Variants in CNTNAP2 observed in about 807,000 individuals in gnomAD.
CNTNAP2 encodes contactin associated protein 2.
CNTNAP2 carries 98 observed loss-of-function variants against 155.2 expected under a neutral mutation model. The ratio of observed to expected loss-of-function variants is 0.63; its 90% confidence interval spans 0.54 to 0.75. CNTNAP2 has a LOEUF of 0.75. Ranked by LOEUF, CNTNAP2 falls within the 30% of genes least tolerant of loss-of-function variation. CNTNAP2 has a pLI of 0.00. For missense variants in CNTNAP2, 1,727 were observed against 1,688.1 expected (o/e 1.02, Z -0.40); for synonymous variants, 651 against 631.2 (o/e 1.03, Z -0.47).
intron 13 of CNTNAP2, among the ~76,000 whole-genome samples, chr7:147,722,713 T>C (rs1325494349): frequency 6.6e-6 from 1 of 152,098 alleles, no homozygotes; most frequent in Admixed American, 6.6e-5. Flanking sequence ...ATGTTATTGC[T>C]TAAACCTTTA....
intron 2 of CNTNAP2, among the ~76,000 whole-genome samples, chr7:146,812,200 T>C (rs1367975902): frequency 6.6e-6 from 1 of 152,036 alleles, no homozygotes; most frequent in Non-Finnish European, 1.5e-5. Context: ...TCCTAGAGGC[T>C]TGTTGAATGG....
intron 13 of CNTNAP2, among the ~76,000 whole-genome samples, chr7:147,738,024 C>T (rs1417722711): frequency 6.6e-6 from 1 of 152,176 alleles, no homozygotes; most frequent in Non-Finnish European, 1.5e-5. Flanking sequence ...CACCCACTGT[C>T]CTGCACCCAC....
At chr7:147,734,536 G>A (rs1467022193) in intron 13 of CNTNAP2, among the ~76,000 whole-genome samples, 1 of 152,204 alleles carries the variant, frequency 6.6e-6, no homozygotes, top group Non-Finnish European at 1.5e-5. Flanking sequence ...CTCATAAAAT[G>A]AGTTAGGGAG....
chr7:147,211,387 T>C (rs1481258867), intron 8 of CNTNAP2, among the ~76,000 whole-genome samples: 1 of 151,954 alleles, frequency 6.6e-6, no homozygotes, highest in Admixed American at 6.6e-5. Context: ...TGTAATGCTC[T>C]TCTTTGCCAT....
intron 9 of CNTNAP2, among the ~76,000 whole-genome samples, chr7:147,354,574 G>C (rs752501593): frequency 5.3e-4 from 80 of 152,010 alleles, no homozygotes; most frequent in Non-Finnish European, 1.0e-3. Context: ...TAGTGTGATG[G>C]TTACGGCTTT....
At chr7:147,299,389 T>C (rs1016343244) in intron 8 of CNTNAP2, among the ~76,000 whole-genome samples, 1 of 151,918 alleles carries the variant, frequency 6.6e-6, no homozygotes, top group African/African-American at 2.4e-5. Context: ...CAAGCAACAA[T>C]GAAGTGCCAT....
chr7:147,267,908 G>C (rs1804652111), intron 8 of CNTNAP2, among the ~76,000 whole-genome samples: 1 of 152,104 alleles, frequency 6.6e-6, no homozygotes, highest in African/African-American at 2.4e-5. Context: ...AGGTACCCAA[G>C]GGAAGTCTGG....
chr7:146,464,106 T>A (rs1796679154), intron 1 of CNTNAP2, among the ~76,000 whole-genome samples: 1 of 152,078 alleles, frequency 6.6e-6, no homozygotes, highest in Non-Finnish European at 1.5e-5. Context: ...AGCGTTCATT[T>A]TTTGACCACA....
chr7:148,245,313 G>A (rs1796239617), intron 20 of CNTNAP2, among the ~76,000 whole-genome samples: 2 of 152,138 alleles, frequency 1.3e-5, no homozygotes, highest in East Asian at 1.9e-4. Context: ...CTGTAACATG[G>A]GGCGAATAAG....
chr7:147,930,869 C>A (rs987052066), intron 14 of CNTNAP2, among the ~76,000 whole-genome samples: 9 of 151,736 alleles, frequency 5.9e-5, no homozygotes, highest in Admixed American at 3.9e-4. Context: ...GGAATGAAAT[C>A]AAAAATAAAT....
At chr7:147,537,252 A>T (rs1382744185) in intron 11 of CNTNAP2, among the ~76,000 whole-genome samples, 1 of 150,804 alleles carries the variant, frequency 6.6e-6, no homozygotes, top group Non-Finnish European at 1.5e-5. Flanking sequence ...GTACATTTTT[A>T]AAAATGCAAA....
intron 15 of CNTNAP2, among the ~76,000 whole-genome samples, chr7:148,041,978 A>G (rs570537445): frequency 3.4e-4 from 52 of 152,342 alleles, no homozygotes; most frequent in Middle Eastern, 3.4e-3. Context: ...GCATTCATGC[A>G]TTACACCTTT....
intron 1 of CNTNAP2, among the ~76,000 whole-genome samples, chr7:146,297,029 C>T (rs956554703): frequency 2.0e-5 from 3 of 151,522 alleles, no homozygotes; most frequent in Non-Finnish European, 4.4e-5. Context: ...ACAATAGAAA[C>T]AATATTTCTT....
At chr7:148,329,396 G>A (rs768599406) in intron 21 of CNTNAP2, among the ~76,000 whole-genome samples, 1 of 152,170 alleles carries the variant, frequency 6.6e-6, no homozygotes, top group Non-Finnish European at 1.5e-5. Flanking sequence ...TCCTCTGACA[G>A]TCACGGACAG....
chr7:147,719,737 G>T (rs1042794125), intron 13 of CNTNAP2, among the ~76,000 whole-genome samples: 1 of 152,046 alleles, frequency 6.6e-6, no homozygotes, highest in Non-Finnish European at 1.5e-5. Context: ...ACTTAACCAT[G>T]CTGTAATTTC....
intron 1 of CNTNAP2, among the ~76,000 whole-genome samples, chr7:146,560,770 T>C (rs760443641): frequency 5.9e-5 from 9 of 152,140 alleles, no homozygotes; most frequent in East Asian, 1.9e-4. Context: ...GTCAGCCACT[T>C]CCATTGCCTA....
intron 1 of CNTNAP2, among the ~76,000 whole-genome samples, chr7:146,634,060 C>G (rs1303678214): frequency 6.6e-6 from 1 of 151,884 alleles, no homozygotes; most frequent in Non-Finnish European, 1.5e-5. Flanking sequence ...TGCCTTTTTT[C>G]AAGACCCCAA....
At chr7:146,522,077 G>A (rs1797624343) in intron 1 of CNTNAP2, among the ~76,000 whole-genome samples, 1 of 152,084 alleles carries the variant, frequency 6.6e-6, no homozygotes, top group East Asian at 1.9e-4. Flanking sequence ...AATATTTTCT[G>A]ATGAATTTCA....
chr7:148,379,807 G>C (rs1293683825), intron 21 of CNTNAP2, among the ~76,000 whole-genome samples: 1 of 152,250 alleles, frequency 6.6e-6, no homozygotes, highest in Non-Finnish European at 1.5e-5. Flanking sequence ...CCCAAGCACA[G>C]CTCTGTCCTC....
Sources: gnomAD v4.1 joint callset for allele counts (sites outside exome capture counted in the v4.1 genomes callset) on GRCh38, gnomAD v4.1.1 for gene constraint, MANE v1.5 for transcripts, NCBI Gene and HGNC (gene_info 2026-07-23, HGNC 2026-07-21) for gene names.